Variants in EPG5 observed in about 807,000 individuals in gnomAD.
EPG5 encodes ectopic P-granules 5 autophagy tethering factor, also known as ectopic P granules protein 5 homolog.
In EPG5, 159 loss-of-function variants were observed where a neutral mutation model predicts 302.7. The observed-to-expected ratio is 0.53, with a 90% CI of 0.46 to 0.60. EPG5 has a LOEUF of 0.60. Among genes scored for constraint, EPG5 ranks in the 20% least tolerant of loss-of-function variants. EPG5 has a pLI of 0.00. For synonymous variants in EPG5, 1,158 were observed against 1,136.8 expected (o/e 1.02, Z -0.37); for missense variants, 2,896 against 3,092.4 (o/e 0.94, Z 1.51).
chr18:45,858,925 C>G, intron 40 of EPG5, 143 bp from the exon 41 acceptor site: 1 of 666,562 alleles, frequency 1.5e-6, no homozygotes, highest in South Asian at 1.9e-5. Context: ...GTCAAGACAA[C>G]CTTTCTTACA....
At chr18:45,916,354 G>T in intron 18 of EPG5, 84 bp downstream of exon 18, 1 of 1,557,606 alleles carries the variant, frequency 6.4e-7, no homozygotes, top group Non-Finnish European at 8.7e-7. Flanking sequence ...GATCTGAAAT[G>T]ACTAAAACCT....
chr18:45,819,601 A>G, the EPG5 span, among the ~76,000 whole-genome samples: 1 of 152,226 alleles, frequency 6.6e-6, no homozygotes, highest in Non-Finnish European at 1.5e-5. Context: ...TTCTCAAAAC[A>G]ACTAAACCAA....
rs2145198664 is a variant in EPG5, at chr18:45,858,736, A to G, written c.7056T>C (p.Leu2352=). 6.2e-7 allele frequency: 1 copy of G among 1,614,218 alleles called. No individual in the cohort carries two copies. Among genetic ancestry groups the G allele is most frequent in the Admixed American group, 1.7e-5 (1 of 60,028 alleles). The change falls in exon 41 of 44, where the codon CTT becomes CTC. Residue 2352 remains leucine, a synonymous_variant. Transcript: ENST00000282041. ...CTTCCATGGTGAGCTCGGGAACCTG[A>G]AGGGATACCAGAATGGGTCCCCATC... ...NSGWGPILVS[L]QVPELTMEEF...
intron 20 of EPG5, among the ~76,000 whole-genome samples, 195 bp from the exon 21 acceptor site, chr18:45,914,023 T>A (rs745608532): frequency 6.6e-6 from 1 of 152,242 alleles, no homozygotes; most frequent in Non-Finnish European, 1.5e-5. Flanking sequence ...AATAGATCAT[T>A]GGAAAATGTT....
intron 6 of EPG5, 132 bp from the exon 7 acceptor site, chr18:45,946,900 ACTGGCC>A: frequency 1.4e-6 from 1 of 702,752 alleles, no homozygotes; most frequent in Admixed American, 2.8e-5. Context: ...GTGAATAAGA[ACTGGCC>A]AAAAACCAAG....
the EPG5 span, among the ~76,000 whole-genome samples, chr18:45,809,285 A>G: frequency 3.3e-5 from 5 of 152,228 alleles, no homozygotes; most frequent in African/African-American, 7.2e-5. Flanking sequence ...GGGGACTTCA[A>G]TACTACACTA....
chr18:45,806,865 G>A, the EPG5 span, among the ~76,000 whole-genome samples: 3 of 152,150 alleles, frequency 2.0e-5, no homozygotes, highest in African/African-American at 7.2e-5. Flanking sequence ...GAACTCTCCT[G>A]GTCAGAACTC....
At chr18:45,908,877 A>T (rs1317498273) in intron 23 of EPG5, among the ~76,000 whole-genome samples, 1 of 152,020 alleles carries the variant, frequency 6.6e-6, no homozygotes, top group Non-Finnish European at 1.5e-5. Flanking sequence ...TGAACCCGGA[A>T]GGCAGAGGTT....
chr18:45,944,286 A>G lies in EPG5; in HGVS notation c.1678-167T>C, dbSNP rs978075027. Among the ~76,000 whole-genome samples the G allele has an allele frequency of 2.0e-5, 3 of 152,334 alleles. No individual in the cohort carries two copies. In the South Asian group the frequency reaches 6.2e-4, roughly 32 times the overall value. ...CAGCAATTTATAGTATCAGTTCCAC[A>G]GACAGTTACACAGTAAATCCCCTGA... On this transcript the variant is annotated intron_variant, in intron 7 of 43. Coordinates refer to ENST00000282041, the MANE Select transcript of EPG5 (RefSeq NM_020964.3).
At chr18:45,834,636 T>C in the EPG5 span, among the ~76,000 whole-genome samples, 2 of 152,250 alleles carry the variant, frequency 1.3e-5, no homozygotes, top group Non-Finnish European at 2.9e-5. Context: ...CCTACAAATC[T>C]GTCTCCTTTT....
intron 27 of EPG5, among the ~76,000 whole-genome samples, chr18:45,898,622 T>C (rs530668775): frequency 1.3e-5 from 2 of 152,332 alleles, no homozygotes; most frequent in Non-Finnish European, 2.9e-5. Flanking sequence ...GCTTCCCATA[T>C]ATCCTTCCCA....
chr18:45,960,033 C>T (rs1175509658), intron 1 of EPG5, among the ~76,000 whole-genome samples: 1 of 152,032 alleles, frequency 6.6e-6, no homozygotes, highest in Non-Finnish European at 1.5e-5. Flanking sequence ...ACGTGTAATC[C>T]CAGCACTTTG....
the EPG5 span, chr18:45,837,364 C>T: frequency 2.4e-6 from 3 of 1,251,878 alleles, no homozygotes; most frequent in Non-Finnish European, 3.2e-6. Flanking sequence ...GGTTCCGGCT[C>T]CCCTGGAAGT....
At chr18:45,811,737 C>T in the EPG5 span, among the ~76,000 whole-genome samples, 51 of 152,258 alleles carry the variant, frequency 3.3e-4, no homozygotes, top group African/African-American at 1.1e-3. Flanking sequence ...TAAAAACTCT[C>T]AATAAATTGG....
chr18:45,894,261 A>C (rs1599511887), intron 27 of EPG5, among the ~76,000 whole-genome samples: 1 of 152,086 alleles, frequency 6.6e-6, no homozygotes, highest in Non-Finnish European at 1.5e-5. Context: ...GCAGTTCAAG[A>C]CCAGCCTGGC....
chr18:45,802,098 C>T, the EPG5 span, among the ~76,000 whole-genome samples: 1 of 152,160 alleles, frequency 6.6e-6, no homozygotes, highest in African/African-American at 2.4e-5. Context: ...TCCCTGTGAT[C>T]CTCCCTTGGT....
intron 34 of EPG5, among the ~76,000 whole-genome samples, 169 bp downstream of exon 34, chr18:45,878,207 T>C (rs550608145): frequency 2.0e-5 from 3 of 152,352 alleles, no homozygotes; most frequent in South Asian, 2.1e-4. Context: ...AGACTAGCAA[T>C]TCCATAAATA....
chr18:45,924,486 CT>C (rs2050227148), intron 14 of EPG5, among the ~76,000 whole-genome samples: 1 of 152,186 alleles, frequency 6.6e-6, no homozygotes, highest in South Asian at 2.1e-4. Flanking sequence ...CTGTCCAGGA[CT>C]AAATGACTTG....
chr18:45,935,601 C>T (rs1350247421), intron 10 of EPG5, among the ~76,000 whole-genome samples: 5 of 97,222 alleles, frequency 5.1e-5, no homozygotes, highest in Admixed American at 1.3e-4. Context: ...GCTACTAAGG[C>T]GCACACAGGT....
Sources: gnomAD v4.1 joint callset for allele counts (sites outside exome capture counted in the v4.1 genomes callset) on GRCh38, gnomAD v4.1.1 for gene constraint, MANE v1.5 for transcripts, NCBI Gene and HGNC (gene_info 2026-07-23, HGNC 2026-07-21) for gene names.